Variants in TTC28 observed in about 807,000 individuals in gnomAD.
The protein encoded by TTC28 is tetratricopeptide repeat protein 28.
A neutral mutation model predicts 198.0 loss-of-function variants in TTC28; 61 were observed. The observed-to-expected ratio is 0.31, with a 90% CI of 0.25 to 0.38. TTC28 has a LOEUF of 0.38. Ranked by LOEUF, TTC28 falls within the 10% of genes least tolerant of loss-of-function variation. The pLI is 1.00. For synonymous variants in TTC28, 1,171 were observed against 1,297.8 expected, an observed-to-expected ratio of 0.90 and a Z score of 2.10; for missense variants, 2,678 against 3,164.0, an observed-to-expected ratio of 0.85 and a Z score of 3.69.
At chr22:28,228,654 T>C (rs1479920545) in intron 5 of TTC28, among the ~76,000 whole-genome samples, 1 of 150,844 alleles carries the variant, frequency 6.6e-6, no homozygotes, top group Non-Finnish European at 1.5e-5. Context: ...GAGCCGAGAT[T>C]GCGCCACTGC....
chr22:28,387,341 T>C (rs1336172963), intron 2 of TTC28, among the ~76,000 whole-genome samples: 2 of 152,228 alleles, frequency 1.3e-5, no homozygotes, highest in Admixed American at 6.5e-5. Context: ...TGATTTATAG[T>C]CCTTTGGGTA....
chr22:28,057,210 A>G (rs778751200), intron 12 of TTC28, among the ~76,000 whole-genome samples: 5 of 152,228 alleles, frequency 3.3e-5, no homozygotes, highest in Admixed American at 6.5e-5. Context: ...AAAACTGTTC[A>G]AACTTTTTCC....
chr22:28,464,922 T>C (rs1052020871), intron 2 of TTC28, among the ~76,000 whole-genome samples: 1 of 152,198 alleles, frequency 6.6e-6, no homozygotes, highest in South Asian at 2.1e-4. Context: ...AGATTTCAAC[T>C]CACGAAAGAA....
intron 2 of TTC28, among the ~76,000 whole-genome samples, chr22:28,542,241 A>G (rs2049428671): frequency 6.6e-6 from 1 of 152,204 alleles, no homozygotes; most frequent in African/African-American, 2.4e-5. Context: ...ACTAAATCTG[A>G]AGATGCAGCA....
chr22:28,373,968 C>T (rs1017382183), intron 2 of TTC28, among the ~76,000 whole-genome samples: 2 of 152,154 alleles, frequency 1.3e-5, no homozygotes, highest in African/African-American at 4.8e-5. Flanking sequence ...TTAAATTCCA[C>T]ATAAGCTATT....
chr22:28,348,437 T>A (rs2045943693), intron 2 of TTC28, among the ~76,000 whole-genome samples: 1 of 152,168 alleles, frequency 6.6e-6, no homozygotes, highest in African/African-American at 2.4e-5. Context: ...CCTGGAAAGA[T>A]CCTGGGGCGT....
chr22:27,982,020 G>A lies in TTC28; in HGVS notation c.*201C>T. 1 of 498,900 alleles carries A rather than the reference G, an allele frequency of 2.0e-6. No homozygotes were observed. The highest frequency in any genetic ancestry group is 3.5e-6 in the Non-Finnish European group (1 of 289,846). The allele number at this position is 498,900 out of a possible 1,614,324, so 30.9% of individuals were successfully genotyped here. ...AGCCTCCTGTACCAGCCCCACAGAA[G>A]TCCTGGCTTTTGGTGAATGTGGCCC... On this transcript the variant is annotated 3_prime_UTR_variant, in exon 23 of 23. Coordinates refer to ENST00000397906, the MANE Select transcript of TTC28 (RefSeq NM_001145418.2). This position sits in a 1 kb window ranked among gnomAD's most constrained non-coding sequence, Gnocchi z 5.2.
chr22:28,044,482 T>C (rs1939783930), intron 12 of TTC28, among the ~76,000 whole-genome samples: 1 of 152,194 alleles, frequency 6.6e-6, no homozygotes, highest in African/African-American at 2.4e-5. Flanking sequence ...TTAAAGGTTT[T>C]AGAGTACATG....
intron 12 of TTC28, among the ~76,000 whole-genome samples, chr22:28,087,689 TG>T (rs1315149643): frequency 6.6e-6 from 1 of 152,056 alleles, no homozygotes; most frequent in African/African-American, 2.4e-5. Context: ...AGGAAATAAA[TG>T]GTATTCAATT....
chr22:28,376,010 T>C (rs544835838), intron 2 of TTC28, among the ~76,000 whole-genome samples: 22 of 152,216 alleles, frequency 1.4e-4, no homozygotes, highest in Non-Finnish European at 3.1e-4. Flanking sequence ...TGGTTCAGAC[T>C]TGGACTGAAC....
At chr22:28,059,662 AC>A (rs1310108789) in intron 12 of TTC28, among the ~76,000 whole-genome samples, 5 of 152,156 alleles carry the variant, frequency 3.3e-5, no homozygotes, top group African/African-American at 1.2e-4. Flanking sequence ...GCCAAATACA[AC>A]TGCAGAAATA....
intron 2 of TTC28, among the ~76,000 whole-genome samples, chr22:28,594,821 G>T (rs560193003): frequency 5.3e-5 from 8 of 152,266 alleles, no homozygotes; most frequent in Middle Eastern, 3.4e-3. Flanking sequence ...AAATAAGAAG[G>T]AAAGTCTCTG....
chr22:28,199,302 A>G (rs1238085321), intron 5 of TTC28, among the ~76,000 whole-genome samples: 2 of 150,332 alleles, frequency 1.3e-5, no homozygotes, highest in Non-Finnish European at 3.0e-5. Flanking sequence ...CTGAATTGGA[A>G]ATATCCCTAA....
intron 6 of TTC28, among the ~76,000 whole-genome samples, chr22:28,154,321 A>AT (rs10537660): frequency 3.0e-3 from 406 of 137,344 alleles, no homozygotes; most frequent in South Asian, 0.01. Flanking sequence ...AAAGATGGCC[A>AT]TTTTTTTTTT....
chr22:28,549,281 A>G (rs2049610282), intron 2 of TTC28, among the ~76,000 whole-genome samples: 1 of 152,088 alleles, frequency 6.6e-6, no homozygotes, highest in Non-Finnish European at 1.5e-5. Context: ...TACCCACCTA[A>G]GCCTCCCGAA....
In TTC28 at chr22:28,036,696, T is replaced by C. The variant is rs147594436; in HGVS notation, c.3933-6330A>G. ...AGCAGAACTGAAGGAGATAGAGACA[T>C]AAAAAACCCTTTAAAAAATCAAGGA... On this transcript the variant is annotated intron_variant, in intron 12 of 22. Coordinates refer to ENST00000397906, the MANE Select transcript of TTC28 (RefSeq NM_001145418.2). Among the ~76,000 whole-genome samples, 605 of 152,054 alleles carry C rather than the reference T, an allele frequency of 4.0e-3. 30 individuals are homozygous for C. In the East Asian group the frequency reaches 0.089, roughly 22 times the overall value.
chr22:28,147,561 T>C (rs1943497981), intron 6 of TTC28, among the ~76,000 whole-genome samples: 1 of 152,188 alleles, frequency 6.6e-6, no homozygotes, highest in African/African-American at 2.4e-5. Flanking sequence ...TGGTGTAACA[T>C]AAAAGAGCAC....
chr22:28,372,434 G>A (rs147951515), intron 2 of TTC28, among the ~76,000 whole-genome samples: 1 of 151,906 alleles, frequency 6.6e-6, no homozygotes, highest in Non-Finnish European at 1.5e-5. Flanking sequence ...CACCCACATG[G>A]CAATGTTTTT....
chr22:28,086,904 A>T (rs1390925772), intron 12 of TTC28, among the ~76,000 whole-genome samples: 1 of 152,192 alleles, frequency 6.6e-6, no homozygotes, highest in Non-Finnish European at 1.5e-5. Context: ...TAAACTAGAA[A>T]ATCTAGAAGA....
Sources: gnomAD v4.1 joint callset for allele counts (sites outside exome capture counted in the v4.1 genomes callset) on GRCh38, gnomAD v4.1.1 for gene constraint, Gnocchi (gnomAD v3.1) non-coding constraint, MANE v1.5 for transcripts, NCBI Gene and HGNC (gene_info 2026-07-23, HGNC 2026-07-21) for gene names.